DLGAP2: variants seen among roughly 807,000 people sequenced by gnomAD.
DLGAP2 encodes disks large-associated protein 2.
In DLGAP2, 26 loss-of-function variants were observed where a neutral mutation model predicts 100.3. The observed-to-expected ratio is 0.26, with a 90% CI of 0.19 to 0.36. DLGAP2 has a LOEUF of 0.36. Among genes scored for constraint, DLGAP2 ranks in the 10% least tolerant of loss-of-function variants. The probability of loss-of-function intolerance (pLI) is 1.00; values close to 1 mark genes in which losing one functional copy is unlikely to be tolerated. For synonymous variants in DLGAP2, 886 were observed against 630.1 expected (o/e 1.41, Z -6.08); for missense variants, 1,858 against 1,453.2 (o/e 1.28, Z -4.53).
At chr8:1,288,740 C>A (rs1325393035) in intron 3 of DLGAP2, among the ~76,000 whole-genome samples, 8 of 99,900 alleles carry the variant, frequency 8.0e-5, no homozygotes, top group African/African-American at 1.2e-4. Context: ...TGTGTGTGTG[C>A]GTGGTTGTTA....
chr8:1,477,486 G>A (rs1002870950), intron 3 of DLGAP2, among the ~76,000 whole-genome samples: 4 of 152,160 alleles, frequency 2.6e-5, no homozygotes, highest in Non-Finnish European at 5.9e-5. Context: ...TTAACTTTGA[G>A]GAACCTTGCT....
intron 2 of DLGAP2, among the ~76,000 whole-genome samples, chr8:1,221,239 C>G (rs112865333): frequency 1.1e-3 from 160 of 152,264 alleles, no homozygotes; most frequent in African/African-American, 3.4e-3. Flanking sequence ...AGATAAGGGT[C>G]TTTCATGTCC....
chr8:1,240,253 C>G (rs1798757044), intron 2 of DLGAP2, among the ~76,000 whole-genome samples: 1 of 126,546 alleles, frequency 7.9e-6, no homozygotes, highest in African/African-American at 2.7e-5. Context: ...GTGTCTAGTT[C>G]TCTTACATGG....
At chr8:1,158,327 G>A (rs1484559825) in intron 2 of DLGAP2, among the ~76,000 whole-genome samples, 1 of 152,232 alleles carries the variant, frequency 6.6e-6, no homozygotes, top group Admixed American at 6.5e-5. Flanking sequence ...ATGTATCTGT[G>A]TGTTATATGT....
intron 3 of DLGAP2, among the ~76,000 whole-genome samples, chr8:1,417,183 T>TCTGAGGGTCGGGAGACC (rs1563133761): frequency 1.1e-5 from 1 of 88,092 alleles, no homozygotes; most frequent in African/African-American, 5.6e-5. Context: ...GTTCATTTAG[T>TCTGAGGGTCGGGAGACC]GTCTGAGGCG....
intron 2 of DLGAP2, among the ~76,000 whole-genome samples, chr8:1,188,697 CTT>C (rs1797569934): frequency 6.6e-6 from 1 of 152,128 alleles, no homozygotes; most frequent in South Asian, 2.1e-4. Context: ...TGTTGCTTCT[CTT>C]TTTGGCAAGC....
chr8:907,466 C>G (rs975557722), intron 1 of DLGAP2, among the ~76,000 whole-genome samples: 2 of 152,156 alleles, frequency 1.3e-5, no homozygotes, highest in Admixed American at 6.5e-5. Flanking sequence ...TCACATTTTT[C>G]TTTGTGATTC....
intron 6 of DLGAP2, among the ~76,000 whole-genome samples, chr8:1,595,773 T>A (rs1796438531): frequency 6.6e-6 from 1 of 151,978 alleles, no homozygotes; most frequent in South Asian, 2.1e-4. Flanking sequence ...ACCCTGCCTA[T>A]TATTATTTTT....
At chr8:1,283,686 A>G (rs1165456125) in intron 3 of DLGAP2, among the ~76,000 whole-genome samples, 1 of 152,236 alleles carries the variant, frequency 6.6e-6, no homozygotes, top group Non-Finnish European at 1.5e-5. Flanking sequence ...CCTAACAAGC[A>G]TTTTGAAAAT....
intron 2 of DLGAP2, among the ~76,000 whole-genome samples, chr8:1,134,297 C>T (rs191103963): frequency 7.2e-5 from 11 of 152,258 alleles, no homozygotes; most frequent in Admixed American, 2.6e-4. Flanking sequence ...CTGCAATGAA[C>T]GTGCATGTGT....
intron 2 of DLGAP2, among the ~76,000 whole-genome samples, chr8:1,068,580 G>A (rs1177900426): frequency 6.6e-6 from 1 of 152,194 alleles, no homozygotes. Flanking sequence ...ATCCTGTGCT[G>A]TTATTTTGCT....
intron 3 of DLGAP2, among the ~76,000 whole-genome samples, chr8:1,459,085 GCGTCC>G (rs1282854204): frequency 0.029 from 4,326 of 148,392 alleles, 501 homozygotes; most frequent in East Asian, 0.06. Context: ...AGACCAGCGT[GCGTCC>G]CAGACAGGAG....
At chr8:1,439,333 C>A (rs1006758933) in intron 3 of DLGAP2, among the ~76,000 whole-genome samples, 1 of 152,160 alleles carries the variant, frequency 6.6e-6, no homozygotes, top group East Asian at 1.9e-4. Flanking sequence ...TTCGCGCTGT[C>A]TGTGGGAGCT....
intron 8 of DLGAP2, among the ~76,000 whole-genome samples, chr8:1,662,113 A>G (rs1239113680): frequency 2.6e-5 from 4 of 152,252 alleles, no homozygotes; most frequent in Non-Finnish European, 5.9e-5. Flanking sequence ...TGCTTTGGAA[A>G]TCAGTGGGTC....
chr8:886,944 A>T (rs1055148744), intron 1 of DLGAP2, among the ~76,000 whole-genome samples: 1 of 152,142 alleles, frequency 6.6e-6, no homozygotes, highest in Admixed American at 6.5e-5. Flanking sequence ...TGTCTTGTTG[A>T]TCTGTCTAAC....
chr8:908,635 G>T (rs897232333), intron 2 of DLGAP2, among the ~76,000 whole-genome samples: 4 of 152,216 alleles, frequency 2.6e-5, no homozygotes, highest in African/African-American at 9.6e-5. Context: ...GTCAGGGCTT[G>T]TTATCCTGTG....
intron 3 of DLGAP2, among the ~76,000 whole-genome samples, chr8:1,352,295 T>G (rs867257843): frequency 1.1e-5 from 1 of 88,178 alleles, no homozygotes; most frequent in African/African-American, 3.4e-5. Context: ...GTCCTGAGCG[T>G]GTGTGTGGAA....
chr8:1,546,391 G>A (rs1343379797), intron 4 of DLGAP2, among the ~76,000 whole-genome samples: 1 of 152,174 alleles, frequency 6.6e-6, no homozygotes, highest in Non-Finnish European at 1.5e-5. Context: ...GTTCCCTTCT[G>A]CATTCACACC....
chr8:1,116,686 A>G (rs576943937), intron 2 of DLGAP2, among the ~76,000 whole-genome samples: 2 of 152,156 alleles, frequency 1.3e-5, no homozygotes, highest in African/African-American at 4.8e-5. Flanking sequence ...GTCCCAGCTA[A>G]CTCAGGAGGC....
Sources: allele counts gnomAD v4.1 joint callset (sites outside exome capture counted in the v4.1 genomes callset), GRCh38; gene constraint gnomAD v4.1.1; transcripts MANE v1.5; gene names NCBI Gene and HGNC (gene_info 2026-07-23, HGNC 2026-07-21).